The following KCTD16 variants were observed in gnomAD, a reference collection of about 807,000 sequenced individuals.
KCTD16 encodes the protein potassium channel tetramerization domain containing 16.
A neutral mutation model predicts 33.2 loss-of-function variants in KCTD16; 13 were observed. The observed-to-expected ratio is 0.39, with a 90% CI of 0.25 to 0.62. KCTD16 has a LOEUF of 0.62. KCTD16 is among the 20% of genes least tolerant of loss of function. KCTD16 has a pLI of 0.50. For missense variants in KCTD16, 441 were observed against 525.1 expected (o/e 0.84, Z 1.57); for synonymous variants, 197 against 195.3 (o/e 1.01, Z -0.07).
chr5:144,427,916 A>G (rs557277695), intron 3 of KCTD16, among the ~76,000 whole-genome samples: 1 of 152,264 alleles, frequency 6.6e-6, no homozygotes, highest in South Asian at 2.1e-4. Flanking sequence ...TGTATAGTTC[A>G]TTTATCAGTA....
chr5:144,264,327 A>T (rs1014282059), intron 3 of KCTD16, among the ~76,000 whole-genome samples: 1 of 152,214 alleles, frequency 6.6e-6, no homozygotes. Flanking sequence ...AACACATTTG[A>T]TATATGAATT....
chr5:144,388,346 G>T (rs1561589360), intron 3 of KCTD16, among the ~76,000 whole-genome samples: 1 of 152,002 alleles, frequency 6.6e-6, no homozygotes, highest in Non-Finnish European at 1.5e-5. Flanking sequence ...CTCCCAAAGT[G>T]CTGGGATTAC....
intron 3 of KCTD16, among the ~76,000 whole-genome samples, chr5:144,275,629 T>C (rs1437917986): frequency 6.6e-6 from 1 of 152,194 alleles, no homozygotes; most frequent in Non-Finnish European, 1.5e-5. Flanking sequence ...TGTCATGGGA[T>C]TCTCAAAACA....
intron 2 of KCTD16, among the ~76,000 whole-genome samples, chr5:144,178,301 C>T (rs6876352): frequency 0.45 from 68,696 of 151,884 alleles, 16,433 homozygotes; most frequent in African/African-American, 0.61. Context: ...AGTAGGCATT[C>T]TGATTTTTCA....
In KCTD16 at chr5:144,482,079, T is replaced by G. The variant is rs187947011; in HGVS notation, c.*7965T>G. ...GAGCCAGATTTTCCTCTGAGTTTAT[T>G]AGACTCTAAAGGCTGCTGGCTTAAC... is the stretch of plus-strand genomic sequence containing the variant. On this transcript the variant is annotated 3_prime_UTR_variant, in exon 4 of 4. Transcript: ENST00000512467. 6.6e-6 allele frequency: 1 copy of G among 151,952 alleles called. No individual in the cohort carries two copies. Among genetic ancestry groups the G allele is most frequent in the Admixed American group, 6.6e-5 (1 of 15,214 alleles). The allele number at this position is 151,952 out of a possible 1,614,324, so 9.4% of individuals were successfully genotyped here.
intron 3 of KCTD16, among the ~76,000 whole-genome samples, chr5:144,445,912 C>T (rs1753808703): frequency 6.6e-6 from 1 of 151,966 alleles, no homozygotes; most frequent in Non-Finnish European, 1.5e-5. Flanking sequence ...GGGAGAGACT[C>T]TCCCAGTTTC....
In KCTD16 at chr5:144,206,463, G is replaced by T; in HGVS notation, c.-252G>T. Reference sequence around the variant, plus strand: ...ATGGAAGATTGGATATAGACGAGTTGATTATATTTTATGAAGTAGCAGCTC... The same window carrying T: ...ATGGAAGATTGGATATAGACGAGTTTATTATATTTTATGAAGTAGCAGCTC... On this transcript the variant is annotated 5_prime_UTR_variant, in exon 3 of 4. Transcript: ENST00000512467. The T allele has an allele frequency of 7.0e-6, 3 of 426,190 alleles. No individual in the cohort carries two copies. In the Admixed American group the frequency reaches 1.2e-4, roughly 17 times the overall value. 26.4% of individuals were successfully genotyped at this position (426,190 alleles called of 1,614,324 possible).
chr5:144,458,083 G>T (rs1007446006), intron 3 of KCTD16, among the ~76,000 whole-genome samples: 36 of 152,100 alleles, frequency 2.4e-4, no homozygotes, highest in Non-Finnish European at 1.0e-4. Flanking sequence ...TAAGAAACTG[G>T]AAGTCTAGTA....
intron 2 of KCTD16, among the ~76,000 whole-genome samples, chr5:144,176,772 AT>A (rs1334741969): frequency 6.6e-6 from 1 of 152,216 alleles, no homozygotes; most frequent in Non-Finnish European, 1.5e-5. Context: ...CAGCTTAAAA[AT>A]TACTGCAAGC....
At chr5:144,433,572 T>A (rs954228845) in intron 3 of KCTD16, among the ~76,000 whole-genome samples, 1 of 152,076 alleles carries the variant, frequency 6.6e-6, no homozygotes, top group African/African-American at 2.4e-5. Flanking sequence ...CCAAATGAAG[T>A]TTCTCAACCA....
intron 3 of KCTD16, among the ~76,000 whole-genome samples, chr5:144,278,250 C>T (rs915780234): frequency 1.3e-5 from 2 of 151,850 alleles, no homozygotes; most frequent in African/African-American, 2.4e-5. Flanking sequence ...TCGTCAAACA[C>T]CATTTGTTGA....
intron 3 of KCTD16, chr5:144,439,280 C>A: frequency 2.4e-6 from 1 of 421,794 alleles, no homozygotes; most frequent in Non-Finnish European, 4.6e-6. Flanking sequence ...TCATGTTGCC[C>A]AAGGACATAG....
chr5:144,340,867 T>C (rs943952113), intron 3 of KCTD16, among the ~76,000 whole-genome samples: 3 of 151,790 alleles, frequency 2.0e-5, no homozygotes, highest in Admixed American at 6.6e-5. Context: ...CTGACCAACA[T>C]GGTGAAACCC....
chr5:144,393,686 C>A (rs1202071058), intron 3 of KCTD16, among the ~76,000 whole-genome samples: 1 of 152,096 alleles, frequency 6.6e-6, no homozygotes, highest in Non-Finnish European at 1.5e-5. Context: ...AGAGAGTAGG[C>A]TATATATTTA....
Position 144,479,208 on chromosome 5 carries a change from A to C in KCTD16, c.*5094A>C, listed in dbSNP as rs1322242765. ...AAAATGAATATGGAATGATTAGTGA[A>C]TTCAGCTATATTTAACCAATCAAAT... On this transcript the variant is annotated 3_prime_UTR_variant, in exon 4 of 4. Coordinates refer to ENST00000512467, the MANE Select transcript of KCTD16 (RefSeq NM_020768.4). The C allele has an allele frequency of 6.6e-6, 1 of 151,868 alleles. No homozygotes were observed. The highest frequency in any genetic ancestry group is 1.5e-5 in the Non-Finnish European group (1 of 67,892). The allele number at this position is 151,868 out of a possible 1,614,324, so 9.4% of individuals were successfully genotyped here. A position where few individuals can be genotyped will look rare whatever the true frequency, so the allele number is the denominator to read the frequency against.
intron 3 of KCTD16, among the ~76,000 whole-genome samples, chr5:144,363,545 T>G (rs1751766040): frequency 6.6e-6 from 1 of 152,024 alleles, no homozygotes. Context: ...CTGTTTTTTT[T>G]TGTGACAGAT....
chr5:144,184,205 T>A (rs1232615839), intron 2 of KCTD16, among the ~76,000 whole-genome samples: 1 of 152,224 alleles, frequency 6.6e-6, no homozygotes, highest in African/African-American at 2.4e-5. Context: ...CTAATCTCTA[T>A]AACTTTTTAA....
intron 3 of KCTD16, among the ~76,000 whole-genome samples, chr5:144,312,853 A>G (rs563932830): frequency 2.6e-5 from 4 of 152,320 alleles, no homozygotes; most frequent in East Asian, 3.9e-4. Flanking sequence ...AACATTCTGT[A>G]AGGGGAAGTG....
At chr5:144,334,032 T>C (rs1412448555) in intron 3 of KCTD16, among the ~76,000 whole-genome samples, 1 of 152,200 alleles carries the variant, frequency 6.6e-6, no homozygotes, top group East Asian at 1.9e-4. Context: ...TTACTAAACA[T>C]ACAACTCAGC....
Sources: allele counts gnomAD v4.1 joint callset (sites outside exome capture counted in the v4.1 genomes callset), GRCh38; gene constraint gnomAD v4.1.1; transcripts MANE v1.5; gene names NCBI Gene and HGNC (gene_info 2026-07-23, HGNC 2026-07-21).